The following STX8 variants were observed in gnomAD, a reference collection of about 807,000 sequenced individuals.
STX8 encodes syntaxin 8, also known as syntaxin-8.
In STX8, 23 loss-of-function variants were observed where a neutral mutation model predicts 37.5. That is an observed-to-expected ratio of 0.61 (90% CI 0.44 to 0.87). The LOEUF is 0.87. Ranked by LOEUF, STX8 falls within the 40% of genes least tolerant of loss-of-function variation. The pLI is 0.00. For synonymous variants in STX8, 115 were observed against 99.1 expected, an observed-to-expected ratio of 1.16 and a Z score of -0.95; for missense variants, 313 against 284.7, an observed-to-expected ratio of 1.10 and a Z score of -0.71.
At chr17:9,303,891 C>G (rs1436847791) in intron 7 of STX8, among the ~76,000 whole-genome samples, 1 of 152,042 alleles carries the variant, frequency 6.6e-6, no homozygotes. Flanking sequence ...GATAACCTTT[C>G]TCACCGTGAC....
chr17:9,264,445 C>T (rs1247132918), intron 7 of STX8, among the ~76,000 whole-genome samples: 1 of 152,156 alleles, frequency 6.6e-6, no homozygotes, highest in African/African-American at 2.4e-5. Flanking sequence ...GATGGGACCA[C>T]ATGTGCATGC....
intron 7 of STX8, among the ~76,000 whole-genome samples, chr17:9,307,863 C>G (rs1359134553): frequency 4.6e-5 from 7 of 152,032 alleles, no homozygotes; most frequent in African/African-American, 1.7e-4. Context: ...GAAGCTAGAA[C>G]TCTTCTCCCC....
chr17:9,294,682 A>T (rs989186793), intron 7 of STX8, among the ~76,000 whole-genome samples: 5 of 152,210 alleles, frequency 3.3e-5, no homozygotes, highest in African/African-American at 9.6e-5. Flanking sequence ...GGGAAACTCT[A>T]GTGTTGGTAA....
chr17:9,287,535 C>T (rs1205029516), intron 7 of STX8, among the ~76,000 whole-genome samples: 1 of 152,160 alleles, frequency 6.6e-6, no homozygotes, highest in Non-Finnish European at 1.5e-5. Flanking sequence ...TCCTGTTTGG[C>T]TCCCAGACAA....
intron 6 of STX8, among the ~76,000 whole-genome samples, chr17:9,411,872 C>A (rs931472608): frequency 6.6e-6 from 1 of 152,118 alleles, no homozygotes; most frequent in African/African-American, 2.4e-5. Context: ...TATAATTTTT[C>A]AGATACAATT....
chr17:9,335,145 G>A (rs888678020), intron 7 of STX8, among the ~76,000 whole-genome samples: 1 of 152,018 alleles, frequency 6.6e-6, no homozygotes, highest in Non-Finnish European at 1.5e-5. Flanking sequence ...ATAGCCAATC[G>A]GAATTAGCTT....
intron 7 of STX8, among the ~76,000 whole-genome samples, chr17:9,320,475 GA>G (rs1385314867): frequency 6.6e-6 from 1 of 152,164 alleles, no homozygotes; most frequent in African/African-American, 2.4e-5. Context: ...TACAGGGAGG[GA>G]AATATCATTA....
At chr17:9,463,589 T>C (rs536829392) in intron 6 of STX8, among the ~76,000 whole-genome samples, 4 of 152,010 alleles carry the variant, frequency 2.6e-5, no homozygotes, top group African/African-American at 4.8e-5. Context: ...TGGTTGAACA[T>C]GGTGAAACTC....
At chr17:9,554,476 G>C (rs1906890867) in intron 3 of STX8, 1 of 152,182 alleles carries the variant, frequency 6.6e-6, no homozygotes, top group Non-Finnish European at 1.5e-5. Flanking sequence ...AAATCTGGAA[G>C]ATAACTGCCA....
At chr17:9,484,430 G>A (rs1906489031) in intron 6 of STX8, among the ~76,000 whole-genome samples, 1 of 151,642 alleles carries the variant, frequency 6.6e-6, no homozygotes, top group African/African-American at 2.4e-5. Flanking sequence ...CAAGATGTAT[G>A]CTGAGGTGGG....
chr17:9,522,231 T>C (rs1905368778), intron 4 of STX8, among the ~76,000 whole-genome samples: 1 of 152,124 alleles, frequency 6.6e-6, no homozygotes, highest in Admixed American at 6.5e-5. Context: ...AAGTAAAAGA[T>C]GAATGAGCTG....
rs116965699 is a variant in STX8, at chr17:9,456,105, T to C, written c.541+35724A>G. 2.2e-3 allele frequency among the ~76,000 whole-genome samples: 342 copies of C among 152,176 alleles called. 5 individuals carry two copies. The highest frequency in any genetic ancestry group is 0.022 in the East Asian group (112 of 5,182). On this transcript the variant is annotated intron_variant, in intron 6 of 7. Transcript: ENST00000306357. Reference sequence around the variant, plus strand: ...CTATCAGGGCTGTTAAGCTTTTAAATACGCCACCCTCAGAGAAGGCCCTCA... The same window carrying C: ...CTATCAGGGCTGTTAAGCTTTTAAACACGCCACCCTCAGAGAAGGCCCTCA...
At chr17:9,314,813 T>G (rs1909324517) in intron 7 of STX8, among the ~76,000 whole-genome samples, 1 of 150,426 alleles carries the variant, frequency 6.6e-6, no homozygotes, top group Non-Finnish European at 1.5e-5. Flanking sequence ...CTTAAAAAAC[T>G]GAGTTCCTGG....
At chr17:9,386,801 G>A (rs1303516293) in intron 6 of STX8, among the ~76,000 whole-genome samples, 1 of 152,110 alleles carries the variant, frequency 6.6e-6, no homozygotes, top group African/African-American at 2.4e-5. Context: ...TAATTATAAA[G>A]TCCTTTATTC....
chr17:9,405,907 C>A (rs964517351), intron 6 of STX8, among the ~76,000 whole-genome samples: 3 of 152,164 alleles, frequency 2.0e-5, no homozygotes, highest in Non-Finnish European at 2.9e-5. Context: ...CTTCACTTTC[C>A]TTTTGCTTTA....
At chr17:9,467,010 C>T (rs1217270529) in intron 6 of STX8, 2 of 152,178 alleles carry the variant, frequency 1.3e-5, no homozygotes, top group East Asian at 1.9e-4. Flanking sequence ...CCTGCCTTAG[C>T]CTCCTGAGTA....
At chr17:9,431,291 G>C (rs1464424686) in intron 6 of STX8, among the ~76,000 whole-genome samples, 418 of 104,768 alleles carry the variant, frequency 4.0e-3, no homozygotes, top group Middle Eastern at 0.037. Context: ...GGATGGTCTC[G>C]ATCTCCTGAC....
At chr17:9,575,705 C>A (rs918931399) in intron 1 of STX8, 87 bp downstream of exon 1, 1 of 1,481,122 alleles carries the variant, frequency 6.8e-7, no homozygotes, top group South Asian at 1.2e-5. Context: ...AGGCCACCAG[C>A]GGCAATGCGA....
chr17:9,504,248 G>A (rs909427017), intron 5 of STX8, among the ~76,000 whole-genome samples: 1 of 151,822 alleles, frequency 6.6e-6, no homozygotes, highest in Non-Finnish European at 1.5e-5. Flanking sequence ...AAACAATATG[G>A]AGGGCTTTCA....
Sources: gnomAD v4.1 joint callset for allele counts (sites outside exome capture counted in the v4.1 genomes callset) on GRCh38, gnomAD v4.1.1 for gene constraint, MANE v1.5 for transcripts, NCBI Gene and HGNC (gene_info 2026-07-23, HGNC 2026-07-21) for gene names.